Variants in TTC23L observed in about 807,000 individuals in gnomAD.
The protein encoded by TTC23L is tetratricopeptide repeat protein 23-like.
TTC23L carries 42 observed loss-of-function variants against 48.1 expected under a neutral mutation model. That is an observed-to-expected ratio of 0.87 (90% CI 0.68 to 1.13). The LOEUF (loss-of-function observed/expected upper bound fraction) is 1.13. Ranked by LOEUF, TTC23L falls within the 50% of genes most tolerant of loss-of-function variation. The pLI is 0.00. For synonymous variants in TTC23L, 159 were observed against 157.2 expected, an observed-to-expected ratio of 1.01 and a Z score of -0.09; for missense variants, 391 against 421.0, an observed-to-expected ratio of 0.93 and a Z score of 0.62.
intron 9 of TTC23L, among the ~76,000 whole-genome samples, chr5:34,895,804 A>C (rs989508948): frequency 6.6e-6 from 1 of 152,210 alleles, no homozygotes; most frequent in African/African-American, 2.4e-5. Flanking sequence ...GCTGCAGTAC[A>C]TTTTGTATCA....
chr5:34,841,051 T>A (rs1202375679), intron 2 of TTC23L, among the ~76,000 whole-genome samples: 11 of 151,450 alleles, frequency 7.3e-5, no homozygotes, highest in African/African-American at 1.9e-4. Context: ...CAAAAAAAAA[T>A]AAAATAAAAT....
At chr5:34,896,426 C>CTGAG (rs1324137360) in intron 9 of TTC23L, among the ~76,000 whole-genome samples, 1 of 152,126 alleles carries the variant, frequency 6.6e-6, no homozygotes, top group African/African-American at 2.4e-5. Flanking sequence ...GCACTGTACT[C>CTGAG]TGAGTCAAGG....
chr5:34,920,779 C>A, the TTC23L span: 1 of 151,656 alleles, frequency 6.6e-6, no homozygotes, highest in Admixed American at 6.6e-5. Flanking sequence ...AGAAGTGGCA[C>A]AAACTTCCTA....
At chr5:34,868,965 G>A in exon 8 of TTC23L, 2 of 1,611,424 alleles carry the variant, frequency 1.2e-6, no homozygotes, top group South Asian at 2.2e-5. Flanking sequence ...AGAAATGAGT[G>A]CGTTACTGGC....
chr5:34,902,246 T>C (rs2111906833), downstream of TTC23L, among the ~76,000 whole-genome samples: 1 of 151,950 alleles, frequency 6.6e-6, no homozygotes. Context: ...CCAACACGGC[T>C]CTCTACCAAA....
chr5:34,855,418 A>G (rs998019066), intron 4 of TTC23L, among the ~76,000 whole-genome samples: 3 of 152,222 alleles, frequency 2.0e-5, no homozygotes, highest in Non-Finnish European at 4.4e-5. Flanking sequence ...TCTAGCAGTG[A>G]TGGAATGGAA....
chr5:34,886,375 A>C (rs949466312), intron 9 of TTC23L, among the ~76,000 whole-genome samples: 8 of 151,816 alleles, frequency 5.3e-5, no homozygotes, highest in African/African-American at 1.5e-4. Context: ...AAAAAAAAAA[A>C]AAAAAAAACG....
chr5:34,910,019 ATC>A, the TTC23L span, among the ~76,000 whole-genome samples: 5 of 151,710 alleles, frequency 3.3e-5, no homozygotes, highest in African/African-American at 9.7e-5. Context: ...TTCTAATATA[ATC>A]TCTCTCTCTG....
At position 34,868,933 on chromosome 5, in the gene TTC23L, CT is replaced by C; in HGVS notation, c.870del (p.Glu291LysfsTer9). 1 of 1,610,462 alleles carries C rather than the reference CT, an allele frequency of 6.2e-7. No homozygotes were observed. The highest frequency in any genetic ancestry group is 8.5e-7 in the Non-Finnish European group (1 of 1,178,374). ...CATTCTGTCTGTGTTTCTTTGTTCACTGAAGTCAGCCCCAAAACTGCAGAAA... is the reference window on the plus strand; with the variant it reads ...CATTCTGTCTGTGTTTCTTTGTTCACGAAGTCAGCCCCAAAACTGCAGAAA... On this transcript the variant is annotated frameshift_variant, in exon 8 of 11. Coordinates refer to ENST00000505624, the Ensembl canonical transcript of TTC23L. LOFTEE classifies it high-confidence loss of function.
chr5:34,855,729 T>G (rs1441186626), intron 4 of TTC23L, among the ~76,000 whole-genome samples: 1 of 152,134 alleles, frequency 6.6e-6, no homozygotes, highest in Non-Finnish European at 1.5e-5. Flanking sequence ...TAGGGAAAGA[T>G]CTCTTTAGGG....
chr5:34,883,540 A>C (rs562007671), intron 9 of TTC23L: 2 of 162,100 alleles, frequency 1.2e-5, no homozygotes, highest in African/African-American at 4.8e-5. Context: ...GATTCACTCA[A>C]AGGAAAAGAG....
At chr5:34,925,207 C>CTTTTTTTTTTT in the TTC23L span, 1 of 1,357,592 alleles carries the variant, frequency 7.4e-7, no homozygotes. Context: ...AGCATCTAAT[C>CTTTTTTTTTTT]TTTTTTTTTT....
chr5:34,909,566 T>C, the TTC23L span, among the ~76,000 whole-genome samples: 3 of 152,152 alleles, frequency 2.0e-5, no homozygotes, highest in Non-Finnish European at 4.4e-5. Context: ...AAATCAATTG[T>C]AAAAGGAAAA....
At chr5:34,906,049 G>A in the TTC23L span, 1 of 152,112 alleles carries the variant, frequency 6.6e-6, no homozygotes, top group African/African-American at 2.4e-5. Context: ...CCGCCTTCCA[G>A]TTTCAAGTGA....
chr5:34,925,190 T>C, the TTC23L span: 3 of 1,521,936 alleles, frequency 2.0e-6, no homozygotes, highest in African/African-American at 2.9e-5. Context: ...TTTATTTTTA[T>C]TTCAAAAGCA....
At chr5:34,878,214 G>C (rs1761991479) in intron 8 of TTC23L, among the ~76,000 whole-genome samples, 2 of 152,120 alleles carry the variant, frequency 1.3e-5, no homozygotes, top group African/African-American at 4.8e-5. Flanking sequence ...AGAAATCAAA[G>C]AACTAGCCAG....
At chr5:34,912,715 G>A in the TTC23L span, among the ~76,000 whole-genome samples, 160 of 151,958 alleles carry the variant, frequency 1.1e-3, no homozygotes, top group African/African-American at 3.6e-3. Context: ...AAAATCATTC[G>A]GCAACCGGTT....
At chr5:34,911,785 T>G in the TTC23L span, 1 of 1,614,132 alleles carries the variant, frequency 6.2e-7, no homozygotes, top group Middle Eastern at 1.6e-4. Context: ...ATAACCTTGG[T>G]AACACATTCG....
chr5:34,918,607 A>G, the TTC23L span: 48 of 491,460 alleles, frequency 9.8e-5, no homozygotes, highest in South Asian at 2.1e-3. Flanking sequence ...TATCCTTTCA[A>G]GTGCCACAAT....
Sources: allele counts gnomAD v4.1 joint callset (sites outside exome capture counted in the v4.1 genomes callset), GRCh38; gene constraint gnomAD v4.1.1; transcripts MANE v1.5; gene names NCBI Gene and HGNC (gene_info 2026-07-23, HGNC 2026-07-21).